SEC31A: variants seen among roughly 807,000 people sequenced by gnomAD.
SEC31A encodes the protein protein transport protein Sec31A.
Under a neutral mutation model 151.0 loss-of-function variants are expected in SEC31A, and 70 were observed. The ratio of observed to expected loss-of-function variants is 0.46; its 90% CI spans 0.38 to 0.57. The LOEUF is 0.57. Among genes scored for constraint, SEC31A ranks in the 20% least tolerant of loss-of-function variants. SEC31A has a pLI of 0.00. For synonymous variants in SEC31A, 475 were observed against 505.9 expected, an observed-to-expected ratio of 0.94 and a Z score of 0.82; for missense variants, 1,330 against 1,471.2, an observed-to-expected ratio of 0.90 and a Z score of 1.57.
chr4:82,894,665 T>A (rs1321404273), upstream of SEC31A: 1 of 152,264 alleles, frequency 6.6e-6, no homozygotes, highest in Non-Finnish European at 1.5e-5. Flanking sequence ...GTAAACTGAT[T>A]TCTTTGGAGC....
At chr4:82,820,733 A>G (rs1220321151) in intron 26 of SEC31A, among the ~76,000 whole-genome samples, 1 of 152,200 alleles carries the variant, frequency 6.6e-6, no homozygotes, top group Admixed American at 6.5e-5. Flanking sequence ...TAACTGGGCC[A>G]TATAAAAGGA....
Position 82,837,199 on chromosome 4 carries a change from A to ATATATATATATAT in SEC31A, c.2968+4940_2968+4941insATATATATATATA, listed in dbSNP as rs56888042. On this transcript the variant is annotated intron_variant, in intron 22 of 26. Transcript: ENST00000395310. ...TATATATATATATATATATATATAT[A>ATATATATATATAT]ATTTCACCACAATAAAAACTTTAAT... Among the ~76,000 whole-genome samples the ATATATATATATAT allele has an allele frequency of 8.9e-4, 74 of 83,134 alleles. 10 individuals carry two copies. The highest frequency in any genetic ancestry group is 2.1e-3 in the East Asian group (6 of 2,868). The allele number at this position is 83,134 out of a possible 152,430, so 54.5% of individuals were successfully genotyped here. A position where few individuals can be genotyped will look rare whatever the true frequency, so the allele number is the denominator to read the frequency against.
At chr4:82,821,220 T>C (rs895983680) in intron 25 of SEC31A, 112 bp from the exon 26 acceptor site, 1 of 817,746 alleles carries the variant, frequency 1.2e-6, no homozygotes, top group African/African-American at 1.7e-5. Context: ...GGCTTCATTT[T>C]ATAAAGAAAT....
At chr4:82,897,623 C>T (rs558808718) in intron 3 of SEC31A, 1 of 152,130 alleles carries the variant, frequency 6.6e-6, no homozygotes, top group Admixed American at 6.5e-5. Context: ...CATGTGGTCC[C>T]AGCTACTTAG....
intron 25 of SEC31A, 22 bp from the exon 26 acceptor site, chr4:82,821,130 T>G: frequency 6.3e-7 from 1 of 1,589,858 alleles, no homozygotes; most frequent in Non-Finnish European, 8.6e-7. Flanking sequence ...AAAAAATAGA[T>G]GTTATATTTG....
chr4:82,857,546 T>A (rs6815179), intron 15 of SEC31A, 143 bp downstream of exon 15: 139,191 of 627,512 alleles, frequency 0.22, 16,233 homozygotes, highest in South Asian at 0.33. Flanking sequence ...GCCCAAGTGA[T>A]CCTCCTGCCT....
chr4:82,879,879 T>C (rs1738884513), intron 3 of SEC31A, among the ~76,000 whole-genome samples: 1 of 152,222 alleles, frequency 6.6e-6, no homozygotes, highest in Non-Finnish European at 1.5e-5. Context: ...CTGTGAGATA[T>C]ATTTCTAAAT....
intron 13 of SEC31A, among the ~76,000 whole-genome samples, chr4:82,862,251 C>T (rs1223278883): frequency 2.5e-5 from 3 of 118,070 alleles, no homozygotes; most frequent in Non-Finnish European, 3.7e-5. Context: ...TTTTTCCTGG[C>T]CAAAAAAAAA....
Position 82,878,766 on chromosome 4 carries a change from A to G in SEC31A, c.366T>C (p.Thr122=). The G allele has an allele frequency of 6.2e-7, 1 of 1,614,206 alleles. No individual in the cohort carries two copies. The highest frequency in any genetic ancestry group is 1.3e-5 in the African/African-American group (1 of 75,072). Reference sequence around the variant, plus strand: ...TCACATCCAAGGCTCTCACTGGGCCAGTATGCTTGTCATTCTGGGCAATCA... The same window carrying G: ...TCACATCCAAGGCTCTCACTGGGCCGGTATGCTTGTCATTCTGGGCAATCA... The part of the protein sequence containing the change: ...EVVIAQNDKH[T]GPVRALDVNI... The change falls in exon 4 of 27, where the codon ACT becomes ACC. Residue 122 remains threonine (T), a synonymous_variant. Coordinates refer to ENST00000395310, the MANE Select transcript of SEC31A (RefSeq NM_001077207.4).
At chr4:82,839,781 G>A (rs1728315443) in intron 22 of SEC31A, among the ~76,000 whole-genome samples, 1 of 152,202 alleles carries the variant, frequency 6.6e-6, no homozygotes, top group South Asian at 2.1e-4. Context: ...ACACTGAAAA[G>A]TGTTGTCTGG....
chr4:82,888,632 T>G (rs1741509437), intron 1 of SEC31A, among the ~76,000 whole-genome samples: 1 of 151,318 alleles, frequency 6.6e-6, no homozygotes, highest in South Asian at 2.1e-4. Flanking sequence ...GAGTTTGCAG[T>G]GAGCCGAGAT....
At chr4:82,890,893 G>C in intron 1 of SEC31A, 195 bp downstream of exon 1, 1 of 1,393,450 alleles carries the variant, frequency 7.2e-7, no homozygotes, top group Non-Finnish European at 9.3e-7. Flanking sequence ...GGACGGGCGC[G>C]ATCACTGGAG....
intron 22 of SEC31A, chr4:82,829,333 T>A (rs1321313832): frequency 3.1e-6 from 1 of 322,668 alleles, no homozygotes; most frequent in Non-Finnish European, 5.7e-6. Flanking sequence ...GTGAAGTTTT[T>A]ATTTATACTG....
chr4:82,887,805 T>G (rs1297635040), intron 1 of SEC31A, among the ~76,000 whole-genome samples: 1 of 152,158 alleles, frequency 6.6e-6, no homozygotes, highest in African/African-American at 2.4e-5. Context: ...ACGCCTGTAA[T>G]CCCAGCACTT....
chr4:82,855,304 A>C (rs190780853), intron 16 of SEC31A, among the ~76,000 whole-genome samples: 1 of 152,346 alleles, frequency 6.6e-6, no homozygotes, highest in East Asian at 1.9e-4. Flanking sequence ...GGTCAGATGG[A>C]TCAGGAAAAA....
rs748187051 is a variant in SEC31A, at chr4:82,867,099, C to T, written c.1044+56G>A. ...TCAGTGAAGTCATTTCAAAATATTA[C>T]ACAACACATACTTTTTTCAGGCATT... is the stretch of plus-strand genomic sequence containing the variant. On this transcript the variant is annotated intron_variant, in intron 9 of 26. Transcript: ENST00000395310. 55 of 1,561,632 alleles carry T rather than the reference C, an allele frequency of 3.5e-5. No individual in the cohort carries two copies. The East Asian group carries it at 5.4e-4, about 15-fold the overall frequency.
intron 4 of SEC31A, among the ~76,000 whole-genome samples, chr4:82,876,196 C>T (rs1204670157): frequency 2.0e-5 from 3 of 150,714 alleles, no homozygotes; most frequent in Non-Finnish European, 4.4e-5. Flanking sequence ...CCACAACTTC[C>T]GCCTCCCGGG....
Position 82,867,211 on chromosome 4 carries a change from C to A in SEC31A, c.988G>T (p.Val330Phe), listed in dbSNP as rs1735607823. 6.2e-7 allele frequency: 1 copy of A among 1,613,892 alleles called. No individual in the cohort carries two copies. Among genetic ancestry groups the A allele is most frequent in the Admixed American group, 1.7e-5 (1 of 59,988 alleles). The change falls in exon 9 of 27, where the codon GTT (valine) becomes TTT (phenylalanine). Residue 330 changes from valine to phenylalanine, a missense_variant. By Grantham distance (50) the Val-to-Phe change is conservative. Coordinates refer to ENST00000395310, the MANE Select transcript of SEC31A (RefSeq NM_001077207.4). ...GTGCTACCTCCCATGATAGAATAAACACTGATACGCCCATCAAACGAAGCA... is the reference window on the plus strand; with the variant it reads ...GTGCTACCTCCCATGATAGAATAAAAACTGATACGCCCATCAAACGAAGCA... ...SAASFDGRIS[V>F]YSIMGGSTDG...
chr4:82,845,539 T>C (rs1275639531), intron 20 of SEC31A, among the ~76,000 whole-genome samples: 1 of 151,364 alleles, frequency 6.6e-6, no homozygotes, highest in Non-Finnish European at 1.5e-5. Flanking sequence ...GAAAAATCAA[T>C]ATGAAAACCT....
Sources: allele counts gnomAD v4.1 joint callset (sites outside exome capture counted in the v4.1 genomes callset), GRCh38; gene constraint gnomAD v4.1.1; transcripts MANE v1.5; gene names NCBI Gene and HGNC (gene_info 2026-07-23, HGNC 2026-07-21).